MYH10: variants seen among roughly 807,000 people sequenced by gnomAD.
MYH10 encodes the protein myosin heavy chain 10, also known as myosin-10.
A neutral mutation model predicts 257.8 loss-of-function variants in MYH10; 55 were observed. The observed-to-expected ratio is 0.21, with a 90% CI of 0.17 to 0.27. MYH10 has a LOEUF of 0.27. Ranked by LOEUF, MYH10 falls within the 10% of genes least tolerant of loss-of-function variation. The pLI is 1.00. For synonymous variants in MYH10, 854 were observed against 921.7 expected (o/e 0.93, Z 1.33); for missense variants, 1,631 against 2,500.6 (o/e 0.65, Z 7.42).
intron 24 of MYH10, among the ~76,000 whole-genome samples, chr17:8,510,847 G>A (rs150017293): frequency 9.9e-5 from 15 of 152,022 alleles, no homozygotes; most frequent in Admixed American, 7.2e-4. Flanking sequence ...CAAACTGGGC[G>A]GGAGCATAGA....
intron 28 of MYH10, among the ~76,000 whole-genome samples, chr17:8,501,489 T>C (rs1438185282): frequency 1.3e-5 from 2 of 151,238 alleles, no homozygotes; most frequent in Non-Finnish European, 2.9e-5. Context: ...AAAAAGGGAG[T>C]CTCCCAGAGA....
chr17:8,530,562 GT>G, intron 17 of MYH10, 60 bp downstream of exon 17: 6 of 378,116 alleles, frequency 1.6e-5, no homozygotes, highest in Admixed American at 6.7e-5. Context: ...CCCCCCACAC[GT>G]TTTTCCTGTG....
At chr17:8,519,001 G>C (rs369102927) in intron 19 of MYH10, 51 bp from the exon 20 acceptor site, 4 of 1,392,546 alleles carry the variant, frequency 2.9e-6, no homozygotes, top group Non-Finnish European at 4.0e-6. Context: ...TGAACGATGT[G>C]TATCTACTAA....
intron 4 of MYH10, among the ~76,000 whole-genome samples, chr17:8,584,558 A>C (rs1010147192): frequency 2.0e-5 from 3 of 152,236 alleles, no homozygotes; most frequent in Admixed American, 2.0e-4. Flanking sequence ...CTGTTGAACC[A>C]CAGGGGTGAG....
In MYH10 at chr17:8,504,012, G is replaced by C. The variant is rs2080992567; in HGVS notation, c.3599+682C>G. On this transcript the variant is annotated intron_variant, in intron 28 of 42. Transcript: ENST00000360416. The surrounding 1 kb of genome is among the most constrained non-coding windows in gnomAD (Gnocchi z 5.6). The stretch of plus-strand genomic sequence containing the variant: ...TGACACCTATGAGTCCGTGGGAGCC[G>C]CAGGCCAGCACCTCCAGGCCTGCGT... Among the ~76,000 whole-genome samples, 1 of 152,124 alleles carries C rather than the reference G, an allele frequency of 6.6e-6. No individual in the cohort carries two copies. Among genetic ancestry groups the C allele is most frequent in the South Asian group, 2.1e-4 (1 of 4,828 alleles).
chr17:8,581,561 G>T (rs1238297960), intron 4 of MYH10, among the ~76,000 whole-genome samples: 1 of 151,966 alleles, frequency 6.6e-6, no homozygotes, highest in East Asian at 1.9e-4. Context: ...CATATTTCGG[G>T]TCTAAGGTAA....
At chr17:8,615,937 A>G (rs2085244461) in intron 2 of MYH10, among the ~76,000 whole-genome samples, 1 of 152,224 alleles carries the variant, frequency 6.6e-6, no homozygotes, top group African/African-American at 2.4e-5. Context: ...ACTTCTGTTC[A>G]AAAAACATTG....
chr17:8,548,328 T>C lies in MYH10; in HGVS notation c.1144A>G (p.Met382Val). 3.1e-6 allele frequency: 5 copies of C among 1,610,704 alleles called. No homozygotes were observed. The highest frequency in any genetic ancestry group is 4.2e-6 in the Non-Finnish European group (5 of 1,177,704). ...KKERNTDQASMPENTVAQKLC... is the reference protein window; with the variant it reads ...KKERNTDQASVPENTVAQKLC... ...ATCAGTTTACCTGTATTTTCTGGCATGGAAGCTTGATCAGTATTTCTCTCC... is the reference window on the plus strand; with the variant it reads ...ATCAGTTTACCTGTATTTTCTGGCACGGAAGCTTGATCAGTATTTCTCTCC... Residue 382 changes from methionine to valine, a missense_variant, in exon 11 of 43, where the codon ATG (methionine) becomes GTG (valine). Physicochemically the swap from Met to Val is conservative, Grantham distance 21 (BLOSUM62 1). Transcript: ENST00000360416.
intron 37 of MYH10, 127 bp downstream of exon 37, chr17:8,484,011 A>C: frequency 1.1e-6 from 1 of 898,458 alleles, no homozygotes; most frequent in Non-Finnish European, 1.6e-6. Flanking sequence ...GGATACTTAA[A>C]AAAATAAAAA....
At chr17:8,522,816 C>T (rs980453826) in intron 17 of MYH10, among the ~76,000 whole-genome samples, 1 of 152,172 alleles carries the variant, frequency 6.6e-6, no homozygotes, top group Non-Finnish European at 1.5e-5. Flanking sequence ...AATGACTGGT[C>T]AATTGCTAAA....
At chr17:8,556,102 C>T (rs2082784394) in intron 7 of MYH10, among the ~76,000 whole-genome samples, 1 of 152,022 alleles carries the variant, frequency 6.6e-6, no homozygotes, top group Non-Finnish European at 1.5e-5. Flanking sequence ...CACTATATAC[C>T]CACTAGAGTG....
At position 8,592,970 on chromosome 17, in the gene MYH10, T is replaced by TATATATATATATAA. The variant is rs1567953268; in HGVS notation, c.503-3863_503-3862insTTATATATATATAT. 1.9e-4 allele frequency among the ~76,000 whole-genome samples: 23 copies of TATATATATATATAA among 121,942 alleles called. 1 individual carries two copies. The highest frequency in any genetic ancestry group is 4.9e-4 in the East Asian group (2 of 4,116). The allele number at this position is 121,942 out of a possible 152,430, so 80.0% of individuals were successfully genotyped here. A position where few individuals can be genotyped will look rare whatever the true frequency, so the allele number is the denominator to read the frequency against. On this transcript the variant is annotated intron_variant, in intron 3 of 42. Coordinates refer to ENST00000360416, the MANE Select transcript of MYH10 (RefSeq NM_001256012.3). ...ATATATATATATATATATATATATA[T>TATATATATATATAA]AAAAGATGATGCACAGAAAGAACAA...
intron 3 of MYH10, among the ~76,000 whole-genome samples, chr17:8,600,030 G>C (rs1193511973): frequency 1.3e-5 from 2 of 152,224 alleles, no homozygotes; most frequent in Non-Finnish European, 2.9e-5. Context: ...TGGAGAGTGG[G>C]AGGACCAAGG....
intron 21 of MYH10, among the ~76,000 whole-genome samples, chr17:8,515,098 G>A (rs1278466465): frequency 6.6e-6 from 1 of 152,078 alleles, no homozygotes; most frequent in African/African-American, 2.4e-5. Context: ...CCAAGTGACC[G>A]ACAGACTCCA....
intron 9 of MYH10, among the ~76,000 whole-genome samples, chr17:8,550,453 A>G (rs1003338829): frequency 2.7e-5 from 4 of 146,544 alleles, no homozygotes; most frequent in African/African-American, 1.0e-4. Flanking sequence ...TCCGCCCGGC[A>G]GCCGCCCCGT....
intron 35 of MYH10, among the ~76,000 whole-genome samples, chr17:8,489,745 A>ACACACACCCCC (rs1258993754): frequency 1.5e-4 from 23 of 150,794 alleles, no homozygotes; most frequent in African/African-American, 4.4e-4. Context: ...ACACACACAC[A>ACACACACCCCC]CCCCAAATCC....
intron 21 of MYH10, among the ~76,000 whole-genome samples, chr17:8,515,560 T>TTTTTGAAA (rs1491456989): frequency 1.0e-5 from 1 of 98,712 alleles, no homozygotes; most frequent in Non-Finnish European, 2.0e-5. Context: ...TTTTTTTTTT[T>TTTTTGAAA]GAGACAGAGT....
intron 3 of MYH10, among the ~76,000 whole-genome samples, chr17:8,598,687 T>C (rs1458058638): frequency 6.6e-6 from 1 of 151,486 alleles, no homozygotes; most frequent in Non-Finnish European, 1.5e-5. Context: ...ACTCACAAAA[T>C]TTTTATATGT....
chr17:8,567,989 G>A (rs1300720394), intron 7 of MYH10, among the ~76,000 whole-genome samples: 1 of 152,120 alleles, frequency 6.6e-6, no homozygotes, highest in Admixed American at 6.5e-5. Context: ...AGATGTCTGT[G>A]GTCGTCAGTT....
Sources: allele counts gnomAD v4.1 joint callset (sites outside exome capture counted in the v4.1 genomes callset), GRCh38; gene constraint gnomAD v4.1.1; non-coding constraint Gnocchi (gnomAD v3.1); transcripts MANE v1.5; gene names NCBI Gene and HGNC (gene_info 2026-07-23, HGNC 2026-07-21).